Variants in FARP2 observed in about 807,000 individuals in gnomAD.
FARP2 encodes the protein FERM, ARH/RhoGEF and pleckstrin domain protein 2.
FARP2 carries 111 observed loss-of-function variants against 130.5 expected under a neutral mutation model. That is an observed-to-expected ratio of 0.85 (90% CI 0.73 to 1.00). The LOEUF (loss-of-function observed/expected upper bound fraction) is 1.00. Ranked by LOEUF, FARP2 falls within the 50% of genes least tolerant of loss-of-function variation. The probability of loss-of-function intolerance (pLI) is 0.00; values close to 1 mark genes in which losing one functional copy is unlikely to be tolerated. For missense variants in FARP2, 1,385 were observed against 1,346.3 expected (o/e 1.03, Z -0.45); for synonymous variants, 504 against 516.9 (o/e 0.98, Z 0.34).
intron 7 of FARP2, among the ~76,000 whole-genome samples, chr2:241,414,878 G>A (rs1482449941): frequency 6.6e-6 from 1 of 152,232 alleles, no homozygotes; most frequent in Non-Finnish European, 1.5e-5. Context: ...ACCAGCCTGG[G>A]AAGGGAGGGA....
intron 21 of FARP2, among the ~76,000 whole-genome samples, chr2:241,486,930 G>A (rs1008782825): frequency 5.3e-5 from 8 of 152,214 alleles, no homozygotes; most frequent in African/African-American, 1.9e-4. Flanking sequence ...AAGTGGGTAA[G>A]GTAAGCAGCC....
At chr2:241,450,082 G>T (rs1164318585) in intron 13 of FARP2, among the ~76,000 whole-genome samples, 1 of 151,952 alleles carries the variant, frequency 6.6e-6, no homozygotes, top group Non-Finnish European at 1.5e-5. Context: ...TAAATTTTAT[G>T]TCTTTTGGCC....
chr2:241,410,433 C>CTTT (rs11369953), intron 5 of FARP2, among the ~76,000 whole-genome samples: 2 of 143,562 alleles, frequency 1.4e-5, no homozygotes, highest in Non-Finnish European at 1.5e-5. Context: ...TAATTTCTTT[C>CTTT]TTTTTTTTTT....
intron 13 of FARP2, chr2:241,445,375 G>C (rs1038973115): frequency 3.3e-5 from 5 of 152,196 alleles, no homozygotes; most frequent in African/African-American, 1.2e-4. Flanking sequence ...GGGAAGGCAA[G>C]CGTGGGCACC....
intron 11 of FARP2, among the ~76,000 whole-genome samples, chr2:241,435,353 A>G (rs1255018345): frequency 6.6e-6 from 1 of 150,918 alleles, no homozygotes; most frequent in African/African-American, 2.4e-5. Flanking sequence ...TAATCCTCCA[A>G]CCTCAGCCTC....
intron 10 of FARP2, 42 bp from the exon 11 acceptor site, chr2:241,434,920 G>T (rs746974993): frequency 1.7e-6 from 2 of 1,164,742 alleles, no homozygotes; most frequent in South Asian, 2.6e-5. Context: ...AATTAATGCT[G>T]ACTTACTGTT....
intron 1 of FARP2, among the ~76,000 whole-genome samples, chr2:241,363,088 A>G (rs1044189058): frequency 1.9e-4 from 29 of 152,290 alleles, no homozygotes; most frequent in African/African-American, 6.3e-4. Context: ...TTGAAGCACC[A>G]CTTTGCACCA....
intron 21 of FARP2, among the ~76,000 whole-genome samples, chr2:241,486,533 T>G (rs2064758298): frequency 7.2e-6 from 1 of 137,946 alleles, no homozygotes; most frequent in Non-Finnish European, 1.5e-5. Context: ...TCGTACCCAC[T>G]CAGCAGTGAT....
intron 1 of FARP2, among the ~76,000 whole-genome samples, chr2:241,360,383 G>A (rs1338962761): frequency 6.6e-6 from 1 of 152,204 alleles, no homozygotes; most frequent in Non-Finnish European, 1.5e-5. Flanking sequence ...GCTCACGCCT[G>A]TAATCATAGC....
intron 1 of FARP2, among the ~76,000 whole-genome samples, chr2:241,371,862 A>G (rs1252937071): frequency 6.6e-6 from 1 of 152,010 alleles, no homozygotes; most frequent in Admixed American, 6.5e-5. Flanking sequence ...AATATTAAAA[A>G]CAAGCTAGTA....
In FARP2 at chr2:241,459,904, C is replaced by A. The variant is rs1017627117; in HGVS notation, c.1588-2619C>A. On this transcript the variant is annotated intron_variant, in intron 14 of 26. Transcript: ENST00000264042. The surrounding 1 kb of genome is among the most constrained non-coding windows in gnomAD (Gnocchi z 5.3). ...TGACTCCCCTGTGACCCACTGGTGG[C>A]ACCTGTGATGAGAAGTCTCATCAGC... Among the ~76,000 whole-genome samples the A allele has an allele frequency of 3.3e-5, 5 of 152,180 alleles. No homozygotes were observed. Among genetic ancestry groups the A allele is most frequent in the African/African-American group, 1.2e-4 (5 of 41,436 alleles).
chr2:241,356,919 G>C (rs904100082), intron 1 of FARP2, among the ~76,000 whole-genome samples: 10 of 152,354 alleles, frequency 6.6e-5, no homozygotes, highest in Non-Finnish European at 1.5e-4. Flanking sequence ...TCAAGTGTTA[G>C]GTGTTAATAT....
chr2:241,456,048 GA>G (rs2063826889), intron 13 of FARP2, among the ~76,000 whole-genome samples: 1 of 151,548 alleles, frequency 6.6e-6, no homozygotes, highest in Admixed American at 6.6e-5. Flanking sequence ...AATAGAAAAG[GA>G]TTTTTTTATT....
intron 26 of FARP2, 152 bp from the exon 27 acceptor site, chr2:241,493,856 C>G: frequency 1.8e-6 from 1 of 555,752 alleles, no homozygotes; most frequent in Non-Finnish European, 3.2e-6. Flanking sequence ...CTCAGCCTCC[C>G]AAAGTGCTGG....
chr2:241,413,297 C>A lies in FARP2; in HGVS notation c.509-10C>A. The A allele has an allele frequency of 6.4e-7, 1 of 1,562,696 alleles. No homozygotes were observed. Among genetic ancestry groups the A allele is most frequent in the Non-Finnish European group, 8.8e-7 (1 of 1,142,168 alleles). ...TTAAAAATTAGTTACTTACTTTTAA[C>A]CTATCTCAGCGGAAATAGGAGATTA... On this transcript the variant is annotated splice_polypyrimidine_tract_variant and intron_variant, in intron 6 of 26. Coordinates refer to ENST00000264042, the MANE Select transcript of FARP2 (RefSeq NM_014808.4).
intron 1 of FARP2, among the ~76,000 whole-genome samples, chr2:241,369,020 G>A (rs2061371419): frequency 6.6e-6 from 1 of 152,030 alleles, no homozygotes; most frequent in Non-Finnish European, 1.5e-5. Flanking sequence ...GTCTTCTTAA[G>A]ATCAGTCTCA....
intron 1 of FARP2, among the ~76,000 whole-genome samples, chr2:241,364,615 A>G (rs2061262995): frequency 1.3e-5 from 2 of 152,232 alleles, no homozygotes; most frequent in African/African-American, 4.8e-5. Flanking sequence ...AAACAGATGG[A>G]AATATAGAAA....
chr2:241,458,352 C>T (rs1224050800), intron 14 of FARP2, among the ~76,000 whole-genome samples: 1 of 152,144 alleles, frequency 6.6e-6, no homozygotes, highest in Non-Finnish European at 1.5e-5. Context: ...CCTGCTTTGG[C>T]CCGAATTGGC....
At chr2:241,473,143 T>G (rs539631391) in intron 18 of FARP2, among the ~76,000 whole-genome samples, 2 of 151,802 alleles carry the variant, frequency 1.3e-5, no homozygotes, top group East Asian at 3.9e-4. Flanking sequence ...ACTCTTTTTC[T>G]GAGGGGACTC....
Sources: allele counts gnomAD v4.1 joint callset (sites outside exome capture counted in the v4.1 genomes callset), GRCh38; gene constraint gnomAD v4.1.1; non-coding constraint Gnocchi (gnomAD v3.1); transcripts MANE v1.5; gene names NCBI Gene and HGNC (gene_info 2026-07-23, HGNC 2026-07-21).